The following BLTP3B variants were observed in gnomAD, a reference collection of about 807,000 sequenced individuals.
The protein encoded by BLTP3B is bridge-like lipid transfer protein family member 3B, also known as UHRF1 (ICBP90) binding protein 1-like.
chr12:100,086,455 G>C, the BLTP3B span: 1 of 672,158 alleles, frequency 1.5e-6, no homozygotes, highest in Non-Finnish European at 2.5e-6. Context: ...AGTCCAAATA[G>C]TAATAACTGT....
At chr12:100,136,334 T>A in the BLTP3B span, among the ~76,000 whole-genome samples, 1 of 152,176 alleles carries the variant, frequency 6.6e-6, no homozygotes, top group Non-Finnish European at 1.5e-5. Context: ...AAATTTTTTT[T>A]ATTTTTTTCT....
the BLTP3B span, among the ~76,000 whole-genome samples, chr12:100,054,605 G>A: frequency 1.3e-5 from 2 of 152,060 alleles, no homozygotes; most frequent in Non-Finnish European, 2.9e-5. Flanking sequence ...GGGGGCACGG[G>A]GGAACTAGAG....
At chr12:100,065,518 G>T in the BLTP3B span, among the ~76,000 whole-genome samples, 1 of 152,084 alleles carries the variant, frequency 6.6e-6, no homozygotes, top group African/African-American at 2.4e-5. Context: ...ATTCCTGGGG[G>T]GAGGTCTATA....
the BLTP3B span, among the ~76,000 whole-genome samples, chr12:100,042,862 C>A: frequency 1.2e-4 from 18 of 152,280 alleles, 1 homozygote; most frequent in Admixed American, 9.2e-4. Context: ...TGCAGTGGCA[C>A]GATCTTGGCT....
the BLTP3B span, chr12:100,142,745 C>T: frequency 2.0e-6 from 3 of 1,482,948 alleles, no homozygotes; most frequent in Non-Finnish European, 9.0e-7. Flanking sequence ...AGGCGCTGAT[C>T]GCTCACGACC....
chr12:100,142,294 G>C, the BLTP3B span, among the ~76,000 whole-genome samples: 1 of 152,242 alleles, frequency 6.6e-6, no homozygotes, highest in African/African-American at 2.4e-5. Context: ...GAGCCGAGCC[G>C]GGACGCCCCC....
the BLTP3B span, among the ~76,000 whole-genome samples, chr12:100,109,093 T>C: frequency 6.6e-6 from 1 of 151,682 alleles, no homozygotes; most frequent in Non-Finnish European, 1.5e-5. Context: ...ATGGGGGTAG[T>C]TTCTCATGAT....
the BLTP3B span, among the ~76,000 whole-genome samples, chr12:100,126,455 A>G: frequency 4.1e-5 from 6 of 147,430 alleles, no homozygotes; most frequent in South Asian, 2.1e-4. Context: ...GTGAGAGGAG[A>G]AAAAAAAAAA....
the BLTP3B span, among the ~76,000 whole-genome samples, chr12:100,080,688 G>A: frequency 6.6e-6 from 1 of 152,090 alleles, no homozygotes; most frequent in Non-Finnish European, 1.5e-5. Flanking sequence ...TAGGCAGAAG[G>A]GACTTGTCTT....
At chr12:100,100,725 C>CT in the BLTP3B span, among the ~76,000 whole-genome samples, 25 of 117,578 alleles carry the variant, frequency 2.1e-4, no homozygotes, top group East Asian at 5.7e-3. Context: ...TATTCACATT[C>CT]TATTTTTTTT....
At chr12:100,052,908 C>T in the BLTP3B span, among the ~76,000 whole-genome samples, 1 of 151,056 alleles carries the variant, frequency 6.6e-6, no homozygotes, top group African/African-American at 2.4e-5. Context: ...ATTCTCCTGC[C>T]TCAGCCTCCT....
chr12:100,050,255 T>C, the BLTP3B span: 1 of 1,611,932 alleles, frequency 6.2e-7, no homozygotes, highest in Non-Finnish European at 8.5e-7. Context: ...CAGATTTCTG[T>C]ATCTTCCCCT....
At chr12:100,084,782 C>T in the BLTP3B span, 5 of 948,908 alleles carry the variant, frequency 5.3e-6, no homozygotes, top group Non-Finnish European at 7.6e-6. Flanking sequence ...GAAAAATTTA[C>T]AGGCTTCACC....
chr12:100,089,890 G>T, the BLTP3B span, among the ~76,000 whole-genome samples: 3 of 152,128 alleles, frequency 2.0e-5, no homozygotes, highest in African/African-American at 7.2e-5. Flanking sequence ...AATCATGGGG[G>T]TGGCTTCCCC....
At chr12:100,103,357 T>C in the BLTP3B span, among the ~76,000 whole-genome samples, 5 of 152,176 alleles carry the variant, frequency 3.3e-5, no homozygotes, top group Non-Finnish European at 5.9e-5. Flanking sequence ...AATATTTTTC[T>C]CCTTGAAGAA....
chr12:100,110,155 A>C, the BLTP3B span, among the ~76,000 whole-genome samples: 1 of 152,158 alleles, frequency 6.6e-6, no homozygotes, highest in East Asian at 1.9e-4. Flanking sequence ...TTTTTTTGGA[A>C]ATTAAATATA....
the BLTP3B span, among the ~76,000 whole-genome samples, chr12:100,130,315 C>T: frequency 2.6e-5 from 4 of 152,110 alleles, no homozygotes; most frequent in Non-Finnish European, 4.4e-5. Context: ...TCTGTTTCAC[C>T]GTCTCTCTGT....
chr12:100,114,181 A>T, the BLTP3B span, among the ~76,000 whole-genome samples: 2 of 152,122 alleles, frequency 1.3e-5, no homozygotes, highest in African/African-American at 4.8e-5. Context: ...CTCTGGGAAA[A>T]ACTGTATATA....
chr12:100,048,771 AGTGTGTGTGTGTGTGT>A, the BLTP3B span, among the ~76,000 whole-genome samples: 9 of 114,980 alleles, frequency 7.8e-5, no homozygotes, highest in Non-Finnish European at 1.2e-4. Flanking sequence ...AGTGAGAGTG[AGTGTGTGTGTGTGTGT>A]GTGTGTGTGT....
Sources: gnomAD v4.1 joint callset for allele counts (sites outside exome capture counted in the v4.1 genomes callset) on GRCh38, gnomAD v4.1.1 for gene constraint, MANE v1.5 for transcripts, NCBI Gene and HGNC (gene_info 2026-07-23, HGNC 2026-07-21) for gene names.